The following RBFOX2 variants were observed in gnomAD, a reference collection of about 807,000 sequenced individuals.
RBFOX2 encodes the protein RNA binding fox-1 homolog 2.
A neutral mutation model predicts 49.1 loss-of-function variants in RBFOX2; 10 were observed. The observed-to-expected ratio is 0.20, with a 90% CI of 0.13 to 0.35. The LOEUF is 0.35. Ranked by LOEUF, RBFOX2 falls within the 10% of genes least tolerant of loss-of-function variation. The pLI is 1.00. For missense variants in RBFOX2, 323 were observed against 486.9 expected (o/e 0.66, Z 3.17); for synonymous variants, 183 against 187.4 (o/e 0.98, Z 0.19).
chr22:35,914,176 T>C (rs1452996510), intron 1 of RBFOX2, among the ~76,000 whole-genome samples: 1 of 152,192 alleles, frequency 6.6e-6, no homozygotes, highest in Non-Finnish European at 1.5e-5. Flanking sequence ...TTAAGTGACC[T>C]TGGGCAAGCT....
intron 2 of RBFOX2, among the ~76,000 whole-genome samples, chr22:35,791,810 T>C (rs1428698580): frequency 6.6e-6 from 1 of 152,160 alleles, no homozygotes; most frequent in African/African-American, 2.4e-5. Flanking sequence ...GAGGGGGTGG[T>C]GATCTTCAGA....
At chr22:35,955,999 T>A (rs1180287047) in intron 1 of RBFOX2, among the ~76,000 whole-genome samples, 1 of 152,260 alleles carries the variant, frequency 6.6e-6, no homozygotes, top group Admixed American at 6.5e-5. Context: ...CAATGTGGCA[T>A]GTGAAACCTT....
chr22:35,793,174 C>T (rs1424866955), intron 2 of RBFOX2, among the ~76,000 whole-genome samples: 1 of 152,216 alleles, frequency 6.6e-6, no homozygotes, highest in Non-Finnish European at 1.5e-5. Context: ...GAGTTCGAGA[C>T]CAGCCTGGCC....
chr22:35,841,467 A>C (rs1445271879), upstream of RBFOX2, among the ~76,000 whole-genome samples: 2 of 152,174 alleles, frequency 1.3e-5, no homozygotes, highest in Non-Finnish European at 2.9e-5. Flanking sequence ...AAAAATCTTT[A>C]ACCTCTGAAT....
At chr22:35,855,231 A>C (rs937830921) in intron 1 of RBFOX2, among the ~76,000 whole-genome samples, 1 of 152,190 alleles carries the variant, frequency 6.6e-6, no homozygotes, top group Non-Finnish European at 1.5e-5. Flanking sequence ...CAATAAACTC[A>C]AGAGTTATTG....
At chr22:35,815,403 T>A (rs929447395) in intron 1 of RBFOX2, among the ~76,000 whole-genome samples, 1 of 152,192 alleles carries the variant, frequency 6.6e-6, no homozygotes, top group Non-Finnish European at 1.5e-5. Flanking sequence ...CAAAATATAA[T>A]TGTCTTCATA....
chr22:35,742,197 T>C (rs1293184928), exon 12 of RBFOX2: 2 of 152,172 alleles, frequency 1.3e-5, no homozygotes, highest in Non-Finnish European at 2.9e-5. Context: ...GACTGGGCAG[T>C]TGGTGTCCCC....
intron 1 of RBFOX2, among the ~76,000 whole-genome samples, chr22:35,972,874 C>T (rs999129458): frequency 5.9e-5 from 9 of 152,112 alleles, no homozygotes; most frequent in Admixed American, 1.3e-4. Flanking sequence ...AAAGTACAAG[C>T]CTAGCCATCT....
chr22:35,826,220 T>C (rs1955686122), intron 1 of RBFOX2, among the ~76,000 whole-genome samples: 1 of 150,442 alleles, frequency 6.6e-6, no homozygotes, highest in Admixed American at 6.7e-5. Context: ...CGCATGTCTG[T>C]AATCTCAGCT....
intron 1 of RBFOX2, among the ~76,000 whole-genome samples, chr22:35,920,248 T>A (rs976932611): frequency 1.3e-5 from 2 of 152,356 alleles, no homozygotes; most frequent in Admixed American, 1.3e-4. Context: ...ATATGATGCC[T>A]GGTCATGAAG....
intron 1 of RBFOX2, among the ~76,000 whole-genome samples, chr22:36,011,482 T>C (rs1020857861): frequency 6.6e-6 from 1 of 151,898 alleles, no homozygotes; most frequent in Admixed American, 6.6e-5. Context: ...AGCTAATAAA[T>C]AGAAAAAAAT....
chr22:35,792,052 C>T (rs1947787627), intron 2 of RBFOX2, among the ~76,000 whole-genome samples: 2 of 152,042 alleles, frequency 1.3e-5, no homozygotes, highest in Non-Finnish European at 2.9e-5. Flanking sequence ...TGTGGAGGCT[C>T]ACACCTGTAA....
upstream of RBFOX2, among the ~76,000 whole-genome samples, chr22:35,965,474 G>A (rs562719224): frequency 3.5e-4 from 54 of 152,264 alleles, no homozygotes; most frequent in African/African-American, 1.2e-3. Flanking sequence ...TGGCCAAAAT[G>A]AGGTACATCC....
At chr22:35,752,398 G>A (rs974243307) in intron 9 of RBFOX2, among the ~76,000 whole-genome samples, 1 of 152,190 alleles carries the variant, frequency 6.6e-6, no homozygotes, top group African/African-American at 2.4e-5. Context: ...AAGAGGACAG[G>A]AGCACTTAAT....
chr22:35,930,828 T>C (rs1203463797), intron 1 of RBFOX2, among the ~76,000 whole-genome samples: 1 of 151,890 alleles, frequency 6.6e-6, no homozygotes, highest in Non-Finnish European at 1.5e-5. Context: ...AGACCTTGTC[T>C]CAAAAAATAA....
chr22:35,780,062 AC>A (rs1431963216), intron 3 of RBFOX2, among the ~76,000 whole-genome samples: 1 of 152,180 alleles, frequency 6.6e-6, no homozygotes, highest in African/African-American at 2.4e-5. Context: ...CTTCTGCGTA[AC>A]CCAAGTCCTT....
chr22:35,742,864 G>A (rs1930640444), exon 12 of RBFOX2: 1 of 152,706 alleles, frequency 6.5e-6, no homozygotes. Context: ...ATGTCCTGTA[G>A]TGTTAATGTG....
chr22:35,803,946 T>C (rs1454650516), intron 2 of RBFOX2, among the ~76,000 whole-genome samples: 4 of 152,176 alleles, frequency 2.6e-5, no homozygotes, highest in Non-Finnish European at 5.9e-5. Context: ...TGAATTTTTT[T>C]AAGAAACAAA....
chr22:35,990,093 G>T (rs187207995), intron 1 of RBFOX2, among the ~76,000 whole-genome samples: 1 of 152,286 alleles, frequency 6.6e-6, no homozygotes, highest in Admixed American at 6.5e-5. Flanking sequence ...TGAGGCAGAA[G>T]AATCGCTTCA....
Sources: gnomAD v4.1 joint callset for allele counts (sites outside exome capture counted in the v4.1 genomes callset) on GRCh38, gnomAD v4.1.1 for gene constraint, MANE v1.5 for transcripts, NCBI Gene and HGNC (gene_info 2026-07-23, HGNC 2026-07-21) for gene names.